The following RCC1L variants were observed in gnomAD, a reference collection of about 807,000 sequenced individuals.
The protein encoded by RCC1L is RCC1 like.
RCC1L carries 46 observed loss-of-function variants against 58.6 expected under a neutral mutation model. The ratio of observed to expected loss-of-function variants is 0.79; its 90% CI spans 0.62 to 1.00. The LOEUF is 1.00. Ranked by LOEUF, RCC1L falls within the 50% of genes least tolerant of loss-of-function variation. The probability of loss-of-function intolerance (pLI) is 0.00; values close to 1 mark genes in which losing one functional copy is unlikely to be tolerated. For synonymous variants in RCC1L, 281 were observed against 262.9 expected (o/e 1.07, Z -0.67); for missense variants, 636 against 623.6 (o/e 1.02, Z -0.21).
chr7:75,045,696 C>T (rs1439052926), intron 10 of RCC1L, among the ~76,000 whole-genome samples: 2 of 151,970 alleles, frequency 1.3e-5, no homozygotes, highest in African/African-American at 2.4e-5. Flanking sequence ...TTGTATTTTT[C>T]GTAGAGATGG....
chr7:75,068,735 A>G (rs1554445598), intron 2 of RCC1L, among the ~76,000 whole-genome samples: 2 of 152,218 alleles, frequency 1.3e-5, no homozygotes, highest in African/African-American at 4.8e-5. Context: ...AAAAAGACAG[A>G]AAACAAAATA....
In RCC1L at chr7:75,033,166, ATGCTGG is replaced by A. The variant is rs1805353151; in HGVS notation, c.1318-5093_1318-5088del. 9.3e-5 allele frequency among the ~76,000 whole-genome samples: 14 copies of A among 151,170 alleles called. No individual in the cohort carries two copies. The South Asian group carries it at 2.9e-3, about 32-fold the overall frequency. The stretch of plus-strand genomic sequence containing the variant: ...CCAAAACTCTCAAAATCATCCCCTT[ATGCTGG>A]TGCTGGGGACCCACTATAGCCCCTG... On this transcript the variant is annotated intron_variant, in intron 10 of 10. Transcript: ENST00000614461.
downstream of RCC1L, among the ~76,000 whole-genome samples, chr7:75,039,957 AAG>A (rs1220929222): frequency 6.6e-6 from 1 of 152,198 alleles, no homozygotes; most frequent in East Asian, 1.9e-4. Context: ...GCATTAGGGA[AAG>A]AGAGGACAGA....
Position 75,057,618 on chromosome 7 carries a change from T to G in RCC1L, c.970-2A>C. ...GTGTAAGCAGCGGGGCACATTCACC[T>G]GAACCAAAGAAAGGAGCCACACTGT... On this transcript the variant is annotated splice_acceptor_variant, in intron 7 of 10. Transcript: ENST00000610322. LOFTEE classifies it high-confidence loss of function. 1 of 1,613,852 alleles carries G rather than the reference T, an allele frequency of 6.2e-7. No homozygotes were observed. The highest frequency in any genetic ancestry group is 8.5e-7 in the Non-Finnish European group (1 of 1,179,796).
At chr7:75,045,780 C>T (rs1805702194) in intron 10 of RCC1L, among the ~76,000 whole-genome samples, 2 of 152,240 alleles carry the variant, frequency 1.3e-5, no homozygotes, top group African/African-American at 4.8e-5. Flanking sequence ...TCCCAAAGCG[C>T]TGGGATTACA....
chr7:75,028,940 G>C (rs1337851091), intron 10 of RCC1L, among the ~76,000 whole-genome samples: 1 of 152,240 alleles, frequency 6.6e-6, no homozygotes, highest in Non-Finnish European at 1.5e-5. Flanking sequence ...GCACCAGGCT[G>C]CTGGTGGGAA....
intron 2 of RCC1L, among the ~76,000 whole-genome samples, chr7:75,068,980 T>C (rs1806618662): frequency 6.6e-6 from 1 of 151,408 alleles, no homozygotes; most frequent in Non-Finnish European, 1.5e-5. Context: ...GCGATTCTCC[T>C]GCCCCAGCCT....
At chr7:75,055,379 G>C (rs1040444976) in intron 9 of RCC1L, among the ~76,000 whole-genome samples, 1 of 152,044 alleles carries the variant, frequency 6.6e-6, no homozygotes, top group African/African-American at 2.4e-5. Flanking sequence ...CCTCCATTTT[G>C]CTCTCCCCTT....
intron 10 of RCC1L, among the ~76,000 whole-genome samples, chr7:75,048,877 A>G (rs2131983402): frequency 6.6e-6 from 1 of 152,320 alleles, no homozygotes; most frequent in Admixed American, 6.5e-5. Flanking sequence ...GTCAGATGTA[A>G]CTGAGTCCAA....
intron 10 of RCC1L, among the ~76,000 whole-genome samples, chr7:75,032,922 A>G (rs1178933577): frequency 6.6e-6 from 1 of 151,892 alleles, no homozygotes; most frequent in African/African-American, 2.4e-5. Context: ...AAATATAAAA[A>G]TTAGTTGGGC....
chr7:75,034,775 C>T (rs2131969214), intron 10 of RCC1L, among the ~76,000 whole-genome samples: 1 of 152,216 alleles, frequency 6.6e-6, no homozygotes, highest in East Asian at 1.9e-4. Context: ...TCTCAGCCTC[C>T]AGAGTGGCTG....
At chr7:75,065,734 C>A (rs1554445006) in intron 3 of RCC1L, among the ~76,000 whole-genome samples, 1 of 152,080 alleles carries the variant, frequency 6.6e-6, no homozygotes, top group Non-Finnish European at 1.5e-5. Context: ...AAAGCCACTT[C>A]CGGCCGGGCA....
At chr7:75,027,370 T>G (rs1440022953) in exon 11 of RCC1L, 1 of 152,800 alleles carries the variant, frequency 6.5e-6, no homozygotes, top group African/African-American at 2.4e-5. Flanking sequence ...GTATTTGGAA[T>G]TTCTTGCTTT....
At chr7:75,072,858 T>G (rs1226800828) in intron 1 of RCC1L, among the ~76,000 whole-genome samples, 1 of 152,158 alleles carries the variant, frequency 6.6e-6, no homozygotes, top group Admixed American at 6.6e-5. Context: ...GACGATCTCT[T>G]GAGCCCAGGA....
chr7:75,050,240 C>T (rs1422311117), intron 10 of RCC1L, among the ~76,000 whole-genome samples: 1 of 151,954 alleles, frequency 6.6e-6, no homozygotes, highest in Non-Finnish European at 1.5e-5. Context: ...TGAGATCATG[C>T]CACTGCACTC....
chr7:75,054,583 C>T (rs966325001), intron 9 of RCC1L, among the ~76,000 whole-genome samples: 6 of 152,256 alleles, frequency 3.9e-5, no homozygotes, highest in African/African-American at 9.6e-5. Flanking sequence ...TTAGTCCATA[C>T]GACTCTTATT....
rs1805942022 is a variant in RCC1L at position 75,052,473 on chromosome 7, C to T, written c.1317+238G>A. On this transcript the variant is annotated intron_variant, in intron 10 of 10. Transcript: ENST00000610322. ...GACCCAGCTCCTGCACCCCAAGAAG[C>T]CTGGTGTCACTCCCCCACGCATCAC... Among the ~76,000 whole-genome samples, 5 of 152,350 alleles carry T rather than the reference C, an allele frequency of 3.3e-5. No homozygotes were observed. The South Asian group carries it at 1.0e-3, about 32-fold the overall frequency.
chr7:75,067,018 C>T (rs1236379085), intron 2 of RCC1L, among the ~76,000 whole-genome samples: 1 of 152,134 alleles, frequency 6.6e-6, no homozygotes, highest in African/African-American at 2.4e-5. Flanking sequence ...ACTTGGTCTT[C>T]TGGCTGGGCG....
downstream of RCC1L, among the ~76,000 whole-genome samples, chr7:75,039,861 C>G (rs34220761): frequency 0.11 from 16,596 of 152,072 alleles, 1,061 homozygotes; most frequent in Middle Eastern, 0.29. Context: ...TGCAGGAACA[C>G]GATGATCAAG....
Sources: gnomAD v4.1 joint callset for allele counts (sites outside exome capture counted in the v4.1 genomes callset) on GRCh38, gnomAD v4.1.1 for gene constraint, MANE v1.5 for transcripts, NCBI Gene and HGNC (gene_info 2026-07-23, HGNC 2026-07-21) for gene names.